MAP2K2: variants seen among roughly 807,000 people sequenced by gnomAD.
The protein encoded by MAP2K2 is dual specificity mitogen-activated protein kinase kinase 2.
A neutral mutation model predicts 43.7 loss-of-function variants in MAP2K2; 24 were observed. The ratio of observed to expected loss-of-function variants is 0.55; its 90% confidence interval spans 0.40 to 0.77. The LOEUF (loss-of-function observed/expected upper bound fraction) is 0.77, where lower values mean the gene tolerates loss of function less well. Ranked by LOEUF, MAP2K2 falls within the 30% of genes least tolerant of loss-of-function variation. The pLI is 0.00. For synonymous variants in MAP2K2, 244 were observed against 239.7 expected (o/e 1.02, Z -0.17); for missense variants, 470 against 566.8 (o/e 0.83, Z 1.73).
intron 3 of MAP2K2, among the ~76,000 whole-genome samples, chr19:4,109,198 G>T (rs1333347419): frequency 6.6e-6 from 1 of 152,174 alleles, no homozygotes; most frequent in African/African-American, 2.4e-5. Flanking sequence ...GGGGTCGGCA[G>T]CATTTCCTCC....
chr19:4,110,538 C>T lies in MAP2K2; in HGVS notation c.421G>A (p.Gly141Arg), dbSNP rs2145069691. Residue 141 changes from glycine (G) to arginine (R), a missense_variant, in exon 3 of 11, where the codon GGG (glycine) becomes AGG (arginine). Transcript: ENST00000262948. ...TGTTCCATGCAAATGCTGATCTCCC[C>T]GTCACTGTAGAAGGCCCCGTAGAAG... Reference protein sequence around the residue: ...VGFYGAFYSDGEISICMEHMD... With the variant: ...VGFYGAFYSDREISICMEHMD... 2 of 1,613,842 alleles carry T rather than the reference C, an allele frequency of 1.2e-6. No individual in the cohort carries two copies. The highest frequency in any genetic ancestry group is 2.2e-5 in the South Asian group (2 of 91,086).
chr19:4,106,725 A>G (rs2041089406), intron 3 of MAP2K2, among the ~76,000 whole-genome samples: 1 of 151,228 alleles, frequency 6.6e-6, no homozygotes, highest in Admixed American at 6.6e-5. Flanking sequence ...TTTATTTTCT[A>G]CAACCACCCC....
intron 1 of MAP2K2, among the ~76,000 whole-genome samples, chr19:4,119,882 C>T (rs1210194239): frequency 1.3e-5 from 2 of 152,252 alleles, no homozygotes; most frequent in Non-Finnish European, 2.9e-5. Context: ...ATTTCCAATC[C>T]CAAAGTTCGA....
In MAP2K2 at chr19:4,101,475, C is replaced by T. The variant is rs980171902; in HGVS notation, c.529-195G>A. 9.2e-5 allele frequency among the ~76,000 whole-genome samples: 14 copies of T among 152,170 alleles called. No individual in the cohort carries two copies. The highest frequency in any genetic ancestry group is 1.3e-4 in the Non-Finnish European group (9 of 68,020). On this transcript the variant is annotated intron_variant, in intron 4 of 10. Coordinates refer to ENST00000262948, the MANE Select transcript of MAP2K2 (RefSeq NM_030662.4). The surrounding 1 kb of genome is among the most constrained non-coding windows in gnomAD (Gnocchi z 6.3). ...GACAGTGCTGACAGCCCTGTGCTGG[C>T]GTGTGCAAGTCAACCCCGGTTCCCA...
chr19:4,113,089 T>C (rs2041176311), intron 2 of MAP2K2, among the ~76,000 whole-genome samples: 1 of 152,006 alleles, frequency 6.6e-6, no homozygotes, highest in African/African-American at 2.4e-5. Flanking sequence ...GAGCCACAGA[T>C]GGGTGACAAG....
At chr19:4,103,346 T>C in intron 3 of MAP2K2, 1 of 826,234 alleles carries the variant, frequency 1.2e-6, no homozygotes, top group South Asian at 5.5e-5. Context: ...AACCCCCAAA[T>C]GCCAAAACCC....
chr19:4,091,931 G>A (rs1027154562), intron 10 of MAP2K2, among the ~76,000 whole-genome samples: 6 of 152,200 alleles, frequency 3.9e-5, no homozygotes, highest in Non-Finnish European at 7.4e-5. Flanking sequence ...TTACAGGTGT[G>A]AGCCACTGTG....
In MAP2K2 at chr19:4,116,733, G is replaced by A. The variant is rs189168994; in HGVS notation, c.303+686C>T. ...ACCTGGGGTCAAGAGTTCCAGACCA[G>A]CCTGGCCAACATGGCGAAACCCTGC... On this transcript the variant is annotated intron_variant, in intron 2 of 10. Transcript: ENST00000262948. 1.8e-3 allele frequency among the ~76,000 whole-genome samples: 279 copies of A among 152,068 alleles called. 2 individuals are homozygous for A. The highest frequency in any genetic ancestry group is 3.0e-3 in the Non-Finnish European group (201 of 68,008).
chr19:4,123,847 G>T lies in MAP2K2; in HGVS notation c.29C>A (p.Pro10Gln). MLARRKPVL[P>Q]ALTINPTIAE... ...GATGGTAGGGTTGATGGTGAGCGCC[G>T]GCAGCACCGGCTTCCTCCGGGCCAG... is the stretch of plus-strand genomic sequence containing the variant. Residue 10 changes from proline to glutamine, a missense_variant, in exon 1 of 11, where the codon CCG (proline) becomes CAG (glutamine). This residue lies in a region of MAP2K2 where 58 missense variants were observed against 48.0 expected (regional missense o/e 1.21). Transcript: ENST00000262948. The T allele has an allele frequency of 6.6e-7, 1 of 1,525,050 alleles. No individual in the cohort carries two copies. 94.5% of individuals were successfully genotyped at this position (1,525,050 alleles called of 1,614,324 possible). A position where few individuals can be genotyped will look rare whatever the true frequency, so the allele number is the denominator to read the frequency against.
At chr19:4,096,764 G>A (rs545505141) in intron 8 of MAP2K2, among the ~76,000 whole-genome samples, 44 of 152,304 alleles carry the variant, frequency 2.9e-4, no homozygotes, top group African/African-American at 1.0e-3. Context: ...CACTGCTCAA[G>A]GGGCAGGCTG....
rs1181694893 is a variant in MAP2K2, at chr19:4,090,636, G to A, written c.1165C>T (p.Leu389=). Reference sequence around the variant, plus strand: ...CGCGTGGGTGTGCCGGGCTGGTTCAGCCGCAGGGTTTTACACAACCAGCCG... The same window carrying A: ...CGCGTGGGTGTGCCGGGCTGGTTCAACCGCAGGGTTTTACACAACCAGCCG... ...FAGWLCKTLR[L]NQPGTPTRTA... Residue 389 remains leucine, a synonymous_variant, in exon 11 of 11, where the codon CTG becomes TTG. Transcript: ENST00000262948. 9 of 1,555,356 alleles carry A rather than the reference G, an allele frequency of 5.8e-6. No homozygotes were observed. The highest frequency in any genetic ancestry group is 7.0e-6 in the Non-Finnish European group (8 of 1,149,590).
At chr19:4,116,982 G>C (rs2041228971) in intron 2 of MAP2K2, among the ~76,000 whole-genome samples, 1 of 152,178 alleles carries the variant, frequency 6.6e-6, no homozygotes, top group South Asian at 2.1e-4. Context: ...GCAAAAACAT[G>C]GCCTGATCAT....
intron 4 of MAP2K2, among the ~76,000 whole-genome samples, chr19:4,102,005 G>A (rs1291125216): frequency 1.3e-5 from 2 of 152,120 alleles, no homozygotes; most frequent in Non-Finnish European, 2.9e-5. Context: ...TGGTGAGTGT[G>A]TCTGGAGGTC....
At chr19:4,110,069 C>T (rs909452628) in intron 3 of MAP2K2, among the ~76,000 whole-genome samples, 8 of 151,954 alleles carry the variant, frequency 5.3e-5, no homozygotes, top group Non-Finnish European at 7.4e-5. Flanking sequence ...TTTGGGAAGT[C>T]GAGGCAGGTG....
intron 1 of MAP2K2, among the ~76,000 whole-genome samples, chr19:4,119,738 G>T (rs2041269642): frequency 6.6e-6 from 1 of 152,232 alleles, no homozygotes; most frequent in African/African-American, 2.4e-5. Flanking sequence ...AGGCAGTGCA[G>T]CTTTAAATGG....
In MAP2K2 at chr19:4,093,955, C is replaced by T. The variant is rs566304257; in HGVS notation, c.1092+498G>A. ...GGCCCTCCTCTGAGGGTGTAGTCCC[C>T]GCTGGGGAGGCGAGTTTTGGTGAAC... On this transcript the variant is annotated intron_variant, in intron 10 of 10. Coordinates refer to ENST00000262948, the MANE Select transcript of MAP2K2 (RefSeq NM_030662.4). Among the ~76,000 whole-genome samples, 4 of 152,170 alleles carry T rather than the reference C, an allele frequency of 2.6e-5. No individual in the cohort carries two copies. In the South Asian group the frequency reaches 6.2e-4, roughly 24 times the overall value.
Position 4,113,405 on chromosome 19 carries a change from GCAGA to G in MAP2K2, c.304-2754_304-2751del, listed in dbSNP as rs554435790. 2.6e-5 allele frequency among the ~76,000 whole-genome samples: 4 copies of G among 152,270 alleles called. No homozygotes were observed. In the East Asian group the frequency reaches 5.8e-4, roughly 22 times the overall value. On this transcript the variant is annotated intron_variant, in intron 2 of 10. Coordinates refer to ENST00000262948, the MANE Select transcript of MAP2K2 (RefSeq NM_030662.4). ...CCACTGAGGGTGTGCAAGGGGAAAG[GCAGA>G]CAGACAGACAGATGGACAGGAGGGG...
At chr19:4,118,714 C>T (rs1222194670) in intron 1 of MAP2K2, among the ~76,000 whole-genome samples, 1 of 152,120 alleles carries the variant, frequency 6.6e-6, no homozygotes, top group African/African-American at 2.4e-5. Context: ...CCCAGGAGGT[C>T]GAGACTGCAG....
At chr19:4,117,340 C>G in intron 2 of MAP2K2, 79 bp downstream of exon 2, 3 of 1,355,806 alleles carry the variant, frequency 2.2e-6, no homozygotes, top group South Asian at 2.4e-5. Flanking sequence ...AGAGACCCGG[C>G]TGCCTTCCCA....
Sources: gnomAD v4.1 joint callset for allele counts (sites outside exome capture counted in the v4.1 genomes callset) on GRCh38, gnomAD v4.1.1 for gene constraint, gnomAD v4.1.1 regional missense constraint, Gnocchi (gnomAD v3.1) non-coding constraint, MANE v1.5 for transcripts, NCBI Gene and HGNC (gene_info 2026-07-23, HGNC 2026-07-21) for gene names.